The following MARCHF3 variants were observed in gnomAD, a reference collection of about 807,000 sequenced individuals.
The protein encoded by MARCHF3 is E3 ubiquitin-protein ligase MARCHF3.
Under a neutral mutation model 24.2 loss-of-function variants are expected in MARCHF3, and 13 were observed. The observed-to-expected ratio is 0.54, with a 90% CI of 0.35 to 0.85. The LOEUF is 0.85. Ranked by LOEUF, MARCHF3 falls within the 40% of genes least tolerant of loss-of-function variation. MARCHF3 has a pLI of 0.01. For missense variants in MARCHF3, 276 were observed against 325.0 expected, an observed-to-expected ratio of 0.85 and a Z score of 1.16; for synonymous variants, 144 against 137.3, an observed-to-expected ratio of 1.05 and a Z score of -0.34.
intron 3 of MARCHF3, among the ~76,000 whole-genome samples, chr5:126,892,336 G>A (rs1166700524): frequency 6.6e-6 from 1 of 150,604 alleles, no homozygotes; most frequent in Non-Finnish European, 1.5e-5. Context: ...TTGAATAGGA[G>A]TGGTGAGAGA....
intron 1 of MARCHF3, among the ~76,000 whole-genome samples, chr5:126,995,889 T>G (rs1217956637): frequency 5.3e-5 from 8 of 152,218 alleles, no homozygotes; most frequent in Non-Finnish European, 1.2e-4. Context: ...GTGTGATGTG[T>G]TATAAACACA....
At chr5:127,012,169 T>C (rs933378523) in intron 1 of MARCHF3, among the ~76,000 whole-genome samples, 1 of 152,182 alleles carries the variant, frequency 6.6e-6, no homozygotes, top group Admixed American at 6.6e-5. Flanking sequence ...TGCTCACACA[T>C]GGGAAACACA....
At chr5:126,969,995 G>A (rs1475226148) in intron 1 of MARCHF3, among the ~76,000 whole-genome samples, 1 of 152,200 alleles carries the variant, frequency 6.6e-6, no homozygotes, top group Non-Finnish European at 1.5e-5. Context: ...TCAAGAGGCT[G>A]TAAGTATCCC....
At chr5:126,904,263 G>A (rs1316829335) in intron 3 of MARCHF3, among the ~76,000 whole-genome samples, 42 of 150,024 alleles carry the variant, frequency 2.8e-4, no homozygotes, top group African/African-American at 8.4e-4. Flanking sequence ...GAATAATGCC[G>A]CAATAAACAT....
At chr5:126,876,870 G>A (rs761078632) in intron 4 of MARCHF3, among the ~76,000 whole-genome samples, 5 of 152,040 alleles carry the variant, frequency 3.3e-5, no homozygotes, top group South Asian at 2.1e-4. Flanking sequence ...GGCTGGTCTC[G>A]AACTTCTGAC....
intron 3 of MARCHF3, among the ~76,000 whole-genome samples, chr5:126,905,998 C>T (rs1455606984): frequency 4.6e-5 from 7 of 151,686 alleles, no homozygotes; most frequent in African/African-American, 1.7e-4. Context: ...CCATCAATAC[C>T]TAATTTATTG....
chr5:126,983,093 T>G (rs1580705740), intron 1 of MARCHF3, among the ~76,000 whole-genome samples: 1 of 152,206 alleles, frequency 6.6e-6, no homozygotes. Flanking sequence ...ACTCCTCTGT[T>G]GTGCTTCTAT....
In MARCHF3 at chr5:126,914,645, G is replaced by A. The variant is rs1202819701; in HGVS notation, c.393+285C>T. On this transcript the variant is annotated intron_variant, in intron 3 of 4. Transcript: ENST00000308660. ...ACAGGGATTGAAAAATGGAGATCAA[G>A]TCTCTAAACTGGCCCTTTCTCCTTA... 4 of 506,808 alleles carry A rather than the reference G, an allele frequency of 7.9e-6. No homozygotes were observed. In the South Asian group the frequency reaches 1.3e-4, roughly 16 times the overall value. 31.4% of individuals were successfully genotyped at this position (506,808 alleles called of 1,614,324 possible). A position where few individuals can be genotyped will look rare whatever the true frequency, so the allele number is the denominator to read the frequency against.
chr5:127,016,532 G>A (rs1184649763), intron 1 of MARCHF3, among the ~76,000 whole-genome samples: 1 of 152,216 alleles, frequency 6.6e-6, no homozygotes, highest in Non-Finnish European at 1.5e-5. Flanking sequence ...CTGGTCATCA[G>A]AGAAATGCAA....
Position 126,918,226 on chromosome 5 carries a change from A to G in MARCHF3, c.-55T>C. 1 of 1,529,980 alleles carries G rather than the reference A, an allele frequency of 6.5e-7. No individual in the cohort carries two copies. The highest frequency in any genetic ancestry group is 8.8e-7 in the Non-Finnish European group (1 of 1,138,198). The allele number at this position is 1,529,980 out of a possible 1,614,324, so 94.8% of individuals were successfully genotyped here. ...GCTTCCACATTCATACAGGATTTCC[A>G]TCTAAGAGAGATCAGAAAACAGTTT... is the stretch of plus-strand genomic sequence containing the variant. On this transcript the variant is annotated splice_region_variant and 5_prime_UTR_variant, in exon 2 of 5. The change abolishes an upstream ATG in the 5' untranslated region. Transcript: ENST00000308660.
rs185157807 is a variant in MARCHF3, at chr5:126,983,207, T to A, written c.-57+47143A>T. 1.1e-3 allele frequency among the ~76,000 whole-genome samples: 163 copies of A among 152,040 alleles called. 1 individual carries two copies. The highest frequency in any genetic ancestry group is 3.8e-3 in the African/African-American group (156 of 41,476). On this transcript the variant is annotated intron_variant, in intron 1 of 4. Coordinates refer to ENST00000308660, the MANE Select transcript of MARCHF3 (RefSeq NM_178450.5). ...AGTCCCCACAGGTCCCAGAAGGGAG[T>A]TGGCTTTGGCTTCACAAGAATGCTG... is the stretch of plus-strand genomic sequence containing the variant.
chr5:126,992,678 A>G (rs73786276), intron 1 of MARCHF3, among the ~76,000 whole-genome samples: 7,774 of 151,070 alleles, frequency 0.051, 371 homozygotes, highest in South Asian at 0.14. Context: ...TGCTGATACG[A>G]TTACCATAGA....
intron 1 of MARCHF3, among the ~76,000 whole-genome samples, chr5:127,021,319 A>G (rs1752797726): frequency 6.6e-6 from 1 of 152,226 alleles, no homozygotes; most frequent in South Asian, 2.1e-4. Flanking sequence ...AGTGGTTCAC[A>G]ACATGCAAAA....
intron 1 of MARCHF3, among the ~76,000 whole-genome samples, chr5:127,000,516 G>C (rs1752092878): frequency 6.6e-6 from 1 of 152,070 alleles, no homozygotes; most frequent in South Asian, 2.1e-4. Flanking sequence ...TGGGACCAGG[G>C]AGAACCAGAT....
At chr5:126,963,466 G>A (rs909635239) in intron 1 of MARCHF3, among the ~76,000 whole-genome samples, 20 of 152,080 alleles carry the variant, frequency 1.3e-4, no homozygotes, top group Admixed American at 1.3e-3. Flanking sequence ...TCATTAAAAC[G>A]TTAGTGTTAT....
intron 1 of MARCHF3, among the ~76,000 whole-genome samples, chr5:126,962,271 T>G (rs1750664569): frequency 6.6e-6 from 1 of 152,164 alleles, no homozygotes; most frequent in African/African-American, 2.4e-5. Flanking sequence ...CAGATTGATT[T>G]TGAAATTCAA....
intron 4 of MARCHF3, among the ~76,000 whole-genome samples, chr5:126,872,639 G>A (rs1200981756): frequency 6.6e-6 from 1 of 152,176 alleles, no homozygotes; most frequent in African/African-American, 2.4e-5. Context: ...GTTTCTGGAA[G>A]TAGATGAAAG....
chr5:127,003,204 G>A (rs1752186475), intron 1 of MARCHF3, among the ~76,000 whole-genome samples: 1 of 152,222 alleles, frequency 6.6e-6, no homozygotes, highest in African/African-American at 2.4e-5. Context: ...TTTTGGCCGG[G>A]CGCGGTGGCT....
chr5:126,885,591 C>A (rs1753487926), intron 3 of MARCHF3, among the ~76,000 whole-genome samples: 2 of 151,878 alleles, frequency 1.3e-5, no homozygotes, highest in African/African-American at 4.8e-5. Flanking sequence ...AAAAATATAT[C>A]TTGATTAAAA....
Sources: allele counts gnomAD v4.1 joint callset (sites outside exome capture counted in the v4.1 genomes callset), GRCh38; gene constraint gnomAD v4.1.1; transcripts MANE v1.5; gene names NCBI Gene and HGNC (gene_info 2026-07-23, HGNC 2026-07-21).